Variants in SERPINB8 observed in about 807,000 individuals in gnomAD.
SERPINB8 encodes serpin family B member 8.
In SERPINB8, 25 loss-of-function variants were observed where a neutral mutation model predicts 35.3. That is an observed-to-expected ratio of 0.71 (90% CI 0.52 to 0.99). The LOEUF (loss-of-function observed/expected upper bound fraction) is 0.99. SERPINB8 is among the 50% of genes least tolerant of loss of function. The probability of loss-of-function intolerance (pLI) is 0.00; values close to 1 mark genes in which losing one functional copy is unlikely to be tolerated. For missense variants in SERPINB8, 484 were observed against 446.5 expected (o/e 1.08, Z -0.76); for synonymous variants, 186 against 160.8 (o/e 1.16, Z -1.19).
chr18:63,979,694 A>T, intron 2 of SERPINB8, 107 bp from the exon 3 acceptor site: 1 of 1,351,984 alleles, frequency 7.4e-7, no homozygotes, highest in Non-Finnish European at 1.0e-6. Context: ...AAACCTTTTT[A>T]AAGTAGGATC....
chr18:63,985,891 G>T (rs1291263850), intron 6 of SERPINB8, among the ~76,000 whole-genome samples: 2 of 152,170 alleles, frequency 1.3e-5, no homozygotes, highest in Non-Finnish European at 2.9e-5. Flanking sequence ...GGTGGGAGAA[G>T]CCTTCATTTA....
chr18:63,973,428 C>A (rs1294427099), intron 1 of SERPINB8, among the ~76,000 whole-genome samples: 3 of 152,046 alleles, frequency 2.0e-5, no homozygotes, highest in Non-Finnish European at 1.5e-5. Context: ...AAATTTTCTC[C>A]CATTCTGTAG....
chr18:64,001,702 G>A (rs1254806044), intron 1 of SERPINB8, among the ~76,000 whole-genome samples: 1 of 152,038 alleles, frequency 6.6e-6, no homozygotes, highest in Non-Finnish European at 1.5e-5. Context: ...GTCCAGGCTG[G>A]TCTCGAACCC....
chr18:64,018,121 G>A (rs1027421802), intron 7 of SERPINB8, among the ~76,000 whole-genome samples: 1 of 152,128 alleles, frequency 6.6e-6, no homozygotes, highest in African/African-American at 2.4e-5. Context: ...CTAGACAAAT[G>A]ACAACTTTTT....
chr18:63,977,623 C>A (rs1039589338), intron 1 of SERPINB8, among the ~76,000 whole-genome samples: 1 of 152,138 alleles, frequency 6.6e-6, no homozygotes. Flanking sequence ...GCACCACACC[C>A]GTCCGCACAA....
chr18:63,999,687 C>T (rs1461403119), intron 1 of SERPINB8, among the ~76,000 whole-genome samples: 1 of 152,172 alleles, frequency 6.6e-6, no homozygotes, highest in African/African-American at 2.4e-5. Flanking sequence ...AAACACCAGG[C>T]CTTTACCTTC....
intron 1 of SERPINB8, among the ~76,000 whole-genome samples, chr18:63,974,410 G>A (rs542071434): frequency 6.6e-6 from 1 of 152,278 alleles, no homozygotes; most frequent in South Asian, 2.1e-4. Context: ...TAGTTCGTAG[G>A]TATTTGGGGC....
At chr18:63,975,027 A>G (rs2050558907) in intron 1 of SERPINB8, among the ~76,000 whole-genome samples, 1 of 152,146 alleles carries the variant, frequency 6.6e-6, no homozygotes, top group Admixed American at 6.5e-5. Flanking sequence ...TAAAATGTAA[A>G]GATGAGATTG....
intron 1 of SERPINB8, among the ~76,000 whole-genome samples, chr18:63,971,194 TCTTC>T (rs1425786334): frequency 6.6e-6 from 1 of 152,190 alleles, no homozygotes; most frequent in African/African-American, 2.4e-5. Context: ...CTCCTCTGTC[TCTTC>T]CTTTTACTAC....
At chr18:63,981,095 A>G (rs1385038630) in intron 3 of SERPINB8, among the ~76,000 whole-genome samples, 3 of 152,252 alleles carry the variant, frequency 2.0e-5, no homozygotes, top group African/African-American at 7.2e-5. Flanking sequence ...TCACATGTAC[A>G]CATGTGCACT....
intron 7 of SERPINB8, among the ~76,000 whole-genome samples, chr18:64,016,291 C>T (rs2050949902): frequency 6.6e-6 from 1 of 152,122 alleles, no homozygotes; most frequent in Admixed American, 6.5e-5. Flanking sequence ...ACCGTTTTTC[C>T]CAAATCCCAA....
At chr18:63,975,365 G>C (rs1382223113) in intron 1 of SERPINB8, among the ~76,000 whole-genome samples, 1 of 152,142 alleles carries the variant, frequency 6.6e-6, no homozygotes, top group African/African-American at 2.4e-5. Context: ...ATGAGGTTGT[G>C]GAGGACCCCG....
chr18:63,991,206 C>G (rs1288482308), downstream of SERPINB8, among the ~76,000 whole-genome samples: 1 of 152,220 alleles, frequency 6.6e-6, no homozygotes, highest in East Asian at 1.9e-4. Flanking sequence ...TTTCAGTCCT[C>G]TATCTTTCCC....
chr18:63,974,813 A>C (rs1267976131), intron 1 of SERPINB8, among the ~76,000 whole-genome samples: 2 of 152,128 alleles, frequency 1.3e-5, no homozygotes, highest in African/African-American at 2.4e-5. Flanking sequence ...CCCCTGCCTG[A>C]CTTCTGACCT....
At chr18:64,014,375 G>C (rs1161763001) in intron 7 of SERPINB8, among the ~76,000 whole-genome samples, 1 of 152,130 alleles carries the variant, frequency 6.6e-6, no homozygotes, top group Non-Finnish European at 1.5e-5. Flanking sequence ...GTTCCATTTT[G>C]AACCTGTTAC....
downstream of SERPINB8, among the ~76,000 whole-genome samples, chr18:63,989,998 A>G (rs1479705194): frequency 7.0e-6 from 1 of 143,402 alleles, no homozygotes; most frequent in Admixed American, 6.9e-5. Flanking sequence ...CTATCCATAT[A>G]TGTTCTTTGA....
chr18:63,994,980 G>C (rs1349836647), intron 1 of SERPINB8, among the ~76,000 whole-genome samples: 1 of 152,132 alleles, frequency 6.6e-6, no homozygotes, highest in Non-Finnish European at 1.5e-5. Context: ...ACTATCCGGC[G>C]CCCTCTACTG....
chr18:63,977,063 T>C (rs1258439330), intron 1 of SERPINB8, among the ~76,000 whole-genome samples: 1 of 152,212 alleles, frequency 6.6e-6, no homozygotes, highest in African/African-American at 2.4e-5. Context: ...ATATAAGTTT[T>C]AGAACATTCT....
intron 1 of SERPINB8, among the ~76,000 whole-genome samples, chr18:63,975,815 A>G (rs1035056941): frequency 1.3e-5 from 2 of 152,156 alleles, no homozygotes; most frequent in African/African-American, 4.8e-5. Flanking sequence ...CCAACAGTGA[A>G]GATACTTTGG....
Sources: gnomAD v4.1 joint callset for allele counts (sites outside exome capture counted in the v4.1 genomes callset) on GRCh38, gnomAD v4.1.1 for gene constraint, MANE v1.5 for transcripts, NCBI Gene and HGNC (gene_info 2026-07-23, HGNC 2026-07-21) for gene names.